Variants in NAALADL2 observed in about 807,000 individuals in gnomAD.
NAALADL2 encodes the protein inactive N-acetylated-alpha-linked acidic dipeptidase-like protein 2.
NAALADL2 carries 76 observed loss-of-function variants against 87.2 expected under a neutral mutation model. The observed-to-expected ratio is 0.87, with a 90% CI of 0.72 to 1.05. NAALADL2 has a LOEUF of 1.05. NAALADL2 is among the 50% of genes least tolerant of loss of function. The pLI is 0.00. For synonymous variants in NAALADL2, 354 were observed against 331.0 expected (o/e 1.07, Z -0.75); for missense variants, 1,089 against 945.8 (o/e 1.15, Z -1.99).
At chr3:175,012,744 A>G (rs1437295230) in intron 1 of NAALADL2, among the ~76,000 whole-genome samples, 1 of 152,028 alleles carries the variant, frequency 6.6e-6, no homozygotes, top group South Asian at 2.1e-4. Context: ...GACGGGGAAC[A>G]CTTGCCTTGC....
chr3:175,267,259 A>G (rs1752089136), intron 4 of NAALADL2, among the ~76,000 whole-genome samples: 1 of 151,978 alleles, frequency 6.6e-6, no homozygotes, highest in African/African-American at 2.4e-5. Context: ...AATACGTAGG[A>G]TTTTTCCTTT....
At chr3:175,179,040 A>T (rs1381573429) in intron 2 of NAALADL2, among the ~76,000 whole-genome samples, 1 of 151,988 alleles carries the variant, frequency 6.6e-6, no homozygotes, top group Non-Finnish European at 1.5e-5. Context: ...TCTACCCTCC[A>T]TGGTTTTCTA....
chr3:175,452,157 A>T (rs891773994), intron 6 of NAALADL2, among the ~76,000 whole-genome samples: 10 of 152,178 alleles, frequency 6.6e-5, no homozygotes, highest in Non-Finnish European at 1.2e-4. Context: ...ATGTGTTCAG[A>T]GCAGCTTCAG....
chr3:174,873,645 C>A (rs1204957853), intron 1 of NAALADL2, among the ~76,000 whole-genome samples: 6 of 152,094 alleles, frequency 3.9e-5, no homozygotes, highest in African/African-American at 9.6e-5. Context: ...ATACATCAGT[C>A]ATGGCATTTA....
At chr3:174,480,442 T>C (rs1295570597) in intron 1 of NAALADL2, among the ~76,000 whole-genome samples, 1 of 152,106 alleles carries the variant, frequency 6.6e-6, no homozygotes, top group Admixed American at 6.6e-5. Flanking sequence ...TTCAAAAGGC[T>C]ACTCTTTCTT....
At chr3:174,476,378 T>C (rs1717212988) in intron 1 of NAALADL2, among the ~76,000 whole-genome samples, 1 of 151,910 alleles carries the variant, frequency 6.6e-6, no homozygotes, top group African/African-American at 2.4e-5. Flanking sequence ...TGTGTTGTGC[T>C]GTTATTTTTG....
intron 1 of NAALADL2, among the ~76,000 whole-genome samples, chr3:174,441,801 T>C (rs1405705481): frequency 1.3e-5 from 2 of 150,928 alleles, no homozygotes; most frequent in African/African-American, 4.9e-5. Context: ...ACTTTTAGAA[T>C]AGCAATTGAA....
At chr3:174,490,604 T>G (rs547899128) in intron 1 of NAALADL2, among the ~76,000 whole-genome samples, 1 of 152,148 alleles carries the variant, frequency 6.6e-6, no homozygotes, top group Non-Finnish European at 1.5e-5. Flanking sequence ...CTGGTTTCAA[T>G]TTTAAATGAA....
At chr3:175,488,097 G>A (rs539111275) in intron 9 of NAALADL2, among the ~76,000 whole-genome samples, 1 of 152,180 alleles carries the variant, frequency 6.6e-6, no homozygotes, top group Non-Finnish European at 1.5e-5. Flanking sequence ...ATATTCTCTT[G>A]TCAGAAAAAA....
chr3:175,193,343 A>G (rs1346199539), intron 2 of NAALADL2, among the ~76,000 whole-genome samples: 2 of 151,882 alleles, frequency 1.3e-5, no homozygotes, highest in African/African-American at 4.8e-5. Flanking sequence ...TTAATTTTAG[A>G]GGGTTTATCT....
rs534994512 is a variant in NAALADL2 at position 175,724,521 on chromosome 3, A to G, written c.1897-12785A>G. Among the ~76,000 whole-genome samples the G allele has an allele frequency of 4.6e-5, 7 of 152,256 alleles. No homozygotes were observed. In the East Asian group the frequency reaches 1.4e-3, roughly 29 times the overall value. The stretch of plus-strand genomic sequence containing the variant: ...TATTTTTTCTATTTTTAAAATGTCA[A>G]GTCTCACTTTGTAGGATGCAATCTG... On this transcript the variant is annotated intron_variant, in intron 11 of 13. Transcript: ENST00000454872.
At chr3:174,450,020 TACACACAC>T (rs35861742) in intron 1 of NAALADL2, among the ~76,000 whole-genome samples, 13 of 148,888 alleles carry the variant, frequency 8.7e-5, no homozygotes, top group African/African-American at 2.5e-4. Context: ...AACACATACA[TACACACAC>T]ACACACACAC....
chr3:174,729,321 G>A (rs1434031159), intron 2 of NAALADL2, among the ~76,000 whole-genome samples: 1 of 151,962 alleles, frequency 6.6e-6, no homozygotes, highest in East Asian at 1.9e-4. Context: ...AGGTCAAGAG[G>A]CAGATGCTAT....
chr3:175,171,370 A>G (rs1734779035), intron 2 of NAALADL2, among the ~76,000 whole-genome samples: 1 of 152,056 alleles, frequency 6.6e-6, no homozygotes, highest in African/African-American at 2.4e-5. Context: ...GGCCCATGAC[A>G]CATAACAATC....
chr3:175,164,701 T>A (rs1329223800), intron 2 of NAALADL2, among the ~76,000 whole-genome samples: 1 of 152,166 alleles, frequency 6.6e-6, no homozygotes, highest in African/African-American at 2.4e-5. Flanking sequence ...ATTCTTAAAG[T>A]GTGTTAATGA....
rs116771001 is a variant in NAALADL2, at chr3:175,565,594, C to A, written c.1654-10447C>A. ...GAGGCCTCATGCTGTTGTCCATTCC[C>A]AAAACCTCTGTAAGAGACCCTGTTT... On this transcript the variant is annotated intron_variant, in intron 9 of 13. Coordinates refer to ENST00000454872, the MANE Select transcript of NAALADL2 (RefSeq NM_207015.3). 5.8e-3 allele frequency among the ~76,000 whole-genome samples: 873 copies of A among 150,496 alleles called. 7 individuals are homozygous for A. The highest frequency in any genetic ancestry group is 0.02 in the African/African-American group (836 of 40,906).
chr3:175,670,736 A>G (rs996545327), intron 11 of NAALADL2, among the ~76,000 whole-genome samples: 5 of 151,108 alleles, frequency 3.3e-5, no homozygotes, highest in South Asian at 2.1e-4. Context: ...TGGCATTTCA[A>G]TATTACCACA....
At chr3:174,632,204 C>A (rs535542680) in intron 2 of NAALADL2, 1 of 152,106 alleles carries the variant, frequency 6.6e-6, no homozygotes, top group African/African-American at 2.4e-5. Flanking sequence ...GTTTCTTCAA[C>A]GAAGTGGATT....
intron 2 of NAALADL2, among the ~76,000 whole-genome samples, chr3:174,609,691 C>T (rs563254990): frequency 6.6e-6 from 1 of 152,132 alleles, no homozygotes; most frequent in Non-Finnish European, 1.5e-5. Context: ...AGGAACATTC[C>T]ATTCTCATGG....
Sources: allele counts gnomAD v4.1 joint callset (sites outside exome capture counted in the v4.1 genomes callset), GRCh38; gene constraint gnomAD v4.1.1; transcripts MANE v1.5; gene names NCBI Gene and HGNC (gene_info 2026-07-23, HGNC 2026-07-21).